Variants in RGS9 observed in about 807,000 individuals in gnomAD.
RGS9 encodes the protein regulator of G protein signaling 9.
RGS9 carries 78 observed loss-of-function variants against 102.0 expected under a neutral mutation model. The ratio of observed to expected loss-of-function variants is 0.76; its 90% CI spans 0.64 to 0.92. The LOEUF is 0.92. Among genes scored for constraint, RGS9 ranks in the 40% least tolerant of loss-of-function variants. The pLI is 0.00. For synonymous variants in RGS9, 353 were observed against 318.6 expected, an observed-to-expected ratio of 1.11 and a Z score of -1.15; for missense variants, 833 against 866.1, an observed-to-expected ratio of 0.96 and a Z score of 0.48.
intron 14 of RGS9, among the ~76,000 whole-genome samples, chr17:65,203,924 G>A (rs1435765132): frequency 6.6e-6 from 1 of 152,106 alleles, no homozygotes; most frequent in Non-Finnish European, 1.5e-5. Flanking sequence ...TCTCTCTCCT[G>A]GAGGTTGGAA....
In RGS9 at chr17:65,211,506, A is replaced by G. The variant is rs141966914; in HGVS notation, c.1407+901A>G. 2.3e-3 allele frequency among the ~76,000 whole-genome samples: 351 copies of G among 152,310 alleles called. 2 individuals are homozygous for G. Among genetic ancestry groups the G allele is most frequent in the African/African-American group, 8.2e-3 (342 of 41,562 alleles). On this transcript the variant is annotated intron_variant, in intron 17 of 18. Transcript: ENST00000262406. ...ACATCGAGATGAGTGAGGATCAGAG[A>G]TGATACTCTCTAGGACATTTTCTAG...
At chr17:65,227,145 C>T in intron 18 of RGS9, 130 bp from the exon 19 acceptor site, 1 of 1,230,026 alleles carries the variant, frequency 8.1e-7, no homozygotes, top group Non-Finnish European at 1.2e-6. Flanking sequence ...CTGAGCTATA[C>T]CTGCCCCCAC....
Position 65,202,444 on chromosome 17 carries a change from TGAGA to T in RGS9, c.1064+384_1064+387del, listed in dbSNP as rs1555616144. Among the ~76,000 whole-genome samples the T allele has an allele frequency of 1.9e-3, 246 of 131,716 alleles. 1 individual carries two copies. The highest frequency in any genetic ancestry group is 8.0e-3 in the Middle Eastern group (2 of 250). The allele number at this position is 131,716 out of a possible 152,430, so 86.4% of individuals were successfully genotyped here. ...GTGTGTGTGTGTGTGTGTGTGTGTGTGAGAGAGAGAGAGAGAGAGAGAGTGAGAG... is the reference window on the plus strand; with the variant it reads ...GTGTGTGTGTGTGTGTGTGTGTGTGTGAGAGAGAGAGAGAGAGAGTGAGAG... On this transcript the variant is annotated intron_variant, in intron 14 of 18. Coordinates refer to ENST00000262406, the MANE Select transcript of RGS9 (RefSeq NM_003835.4).
At chr17:65,204,687 G>A (rs139930990) in intron 15 of RGS9, among the ~76,000 whole-genome samples, 1,550 of 152,268 alleles carry the variant, frequency 0.01, 12 homozygotes, top group Non-Finnish European at 0.016. Context: ...GCATCCTTAC[G>A]GGCCCCACTC....
intron 16 of RGS9, among the ~76,000 whole-genome samples, chr17:65,210,189 A>C (rs1043939495): frequency 1.3e-5 from 2 of 152,208 alleles, no homozygotes; most frequent in African/African-American, 2.4e-5. Context: ...ATGTTACAAA[A>C]AGTTAAGATA....
chr17:65,189,214 T>C, intron 9 of RGS9, 72 bp from the exon 10 acceptor site: 1 of 1,325,154 alleles, frequency 7.5e-7, no homozygotes, highest in African/African-American at 1.4e-5. Context: ...GGATTTTTAT[T>C]TTTCAAATGG....
chr17:65,143,942 A>G (rs1231415324), intron 1 of RGS9, among the ~76,000 whole-genome samples: 1 of 151,772 alleles, frequency 6.6e-6, no homozygotes, highest in Non-Finnish European at 1.5e-5. Flanking sequence ...GCCTGAAAAA[A>G]AAAAAAAAGG....
chr17:65,225,414 C>T lies in RGS9; in HGVS notation c.1820C>T (p.Ser607Phe), dbSNP rs773021589. ...ARLSPKCPAVSHGRVQPLGDV... is the reference protein window; with the variant it reads ...ARLSPKCPAVFHGRVQPLGDV... ...CTCTCACCCAAGTGCCCTGCTGTGT[C>T]CCACGGGAGGGTGCAGCCCCTGGGG... is the stretch of plus-strand genomic sequence containing the variant. Residue 607 changes from serine (S) to phenylalanine (F), a missense_variant, in exon 18 of 19, where the codon TCC becomes TTC. Transcript: ENST00000262406. 20 of 1,610,690 alleles carry T rather than the reference C, an allele frequency of 1.2e-5. No homozygotes were observed. Among genetic ancestry groups the T allele is most frequent in the African/African-American group, 5.3e-5 (4 of 74,948 alleles).
intron 17 of RGS9, among the ~76,000 whole-genome samples, chr17:65,219,443 T>C (rs1913625403): frequency 1.3e-5 from 2 of 152,210 alleles, no homozygotes; most frequent in Non-Finnish European, 2.9e-5. Context: ...AAAATAAACA[T>C]TTATTTGGAC....
At chr17:65,212,139 C>T (rs1207250095) in intron 17 of RGS9, among the ~76,000 whole-genome samples, 1 of 152,216 alleles carries the variant, frequency 6.6e-6, no homozygotes, top group Non-Finnish European at 1.5e-5. Flanking sequence ...CACATAGTCT[C>T]TTCTACTTTA....
chr17:65,148,628 T>G (rs1278831950), intron 1 of RGS9, among the ~76,000 whole-genome samples: 1 of 152,196 alleles, frequency 6.6e-6, no homozygotes, highest in Non-Finnish European at 1.5e-5. Flanking sequence ...TGCGGCCTGG[T>G]CCTCACCATC....
intron 3 of RGS9, among the ~76,000 whole-genome samples, chr17:65,159,760 C>G (rs151043607): frequency 6.6e-6 from 1 of 152,248 alleles, no homozygotes; most frequent in East Asian, 1.9e-4. Flanking sequence ...GGTCTGGACC[C>G]GAGATGCAGG....
chr17:65,196,936 G>GC (rs1310501913), intron 12 of RGS9, among the ~76,000 whole-genome samples, 190 bp from the exon 13 acceptor site: 2 of 152,214 alleles, frequency 1.3e-5, no homozygotes, highest in South Asian at 2.1e-4. Flanking sequence ...TTTGATGTGA[G>GC]CCCCGGGGGA....
chr17:65,158,519 A>G (rs1237554753), intron 3 of RGS9, 174 bp downstream of exon 3: 1 of 710,840 alleles, frequency 1.4e-6, no homozygotes, highest in Admixed American at 2.0e-5. Context: ...TAATTTGGGG[A>G]CGAAAGAGTT....
At chr17:65,189,859 C>T (rs1271717823) in intron 10 of RGS9, among the ~76,000 whole-genome samples, 1 of 152,192 alleles carries the variant, frequency 6.6e-6, no homozygotes, top group Non-Finnish European at 1.5e-5. Context: ...CTCTCTGCTT[C>T]TGTCTGCCAG....
rs182347613 is a variant in RGS9 at position 65,153,397 on chromosome 17, G to A, written c.58-25G>A. 2.2e-5 allele frequency: 35 copies of A among 1,598,374 alleles called. No homozygotes were observed. In the African/African-American group the frequency reaches 3.6e-4, roughly 17 times the overall value. On this transcript the variant is annotated intron_variant, in intron 1 of 18. Coordinates refer to ENST00000262406, the MANE Select transcript of RGS9 (RefSeq NM_003835.4). Reference sequence around the variant, plus strand: ...ACTTTCAAAATTGTTCTCGTCAGTCGGCTTTTTCCTGTTCTGTCTTGCAGA... The same window carrying A: ...ACTTTCAAAATTGTTCTCGTCAGTCAGCTTTTTCCTGTTCTGTCTTGCAGA...
chr17:65,168,617 C>T (rs917500557), intron 8 of RGS9, among the ~76,000 whole-genome samples: 6 of 131,910 alleles, frequency 4.5e-5, no homozygotes, highest in East Asian at 2.2e-4. Flanking sequence ...AAAATTAGAA[C>T]GTAGGCCCCA....
chr17:65,199,289 T>C (rs571749651), intron 13 of RGS9, among the ~76,000 whole-genome samples: 2 of 152,264 alleles, frequency 1.3e-5, no homozygotes, highest in South Asian at 4.1e-4. Flanking sequence ...CTTTACCCAT[T>C]AGAATCATCT....
chr17:65,150,707 A>G lies in RGS9; in HGVS notation c.58-2715A>G, dbSNP rs188610003. Among the ~76,000 whole-genome samples the G allele has an allele frequency of 2.6e-5, 4 of 152,136 alleles. No individual in the cohort carries two copies. The East Asian group carries it at 7.7e-4, about 29-fold the overall frequency. ...CTGCTGTGTTCACATGACACCATAG[A>G]CTCACCCTTGTCATTGCATGTTCTG... On this transcript the variant is annotated intron_variant, in intron 1 of 18. Coordinates refer to ENST00000262406, the MANE Select transcript of RGS9 (RefSeq NM_003835.4).
Sources: gnomAD v4.1 joint callset for allele counts (sites outside exome capture counted in the v4.1 genomes callset) on GRCh38, gnomAD v4.1.1 for gene constraint, MANE v1.5 for transcripts, NCBI Gene and HGNC (gene_info 2026-07-23, HGNC 2026-07-21) for gene names.